FAM20A: variants seen among roughly 807,000 people sequenced by gnomAD.
FAM20A encodes the protein FAM20A golgi associated secretory pathway pseudokinase.
Under a neutral mutation model 52.0 loss-of-function variants are expected in FAM20A, and 42 were observed. The observed-to-expected ratio is 0.81, with a 90% CI of 0.63 to 1.04. The LOEUF (loss-of-function observed/expected upper bound fraction) is 1.04. Among genes scored for constraint, FAM20A ranks in the 50% least tolerant of loss-of-function variants. The pLI, the probability that FAM20A is intolerant of heterozygous loss-of-function variation, is 0.00. For missense variants in FAM20A, 742 were observed against 712.7 expected, an observed-to-expected ratio of 1.04 and a Z score of -0.47; for synonymous variants, 304 against 298.9, an observed-to-expected ratio of 1.02 and a Z score of -0.18.
rs903774362 is a variant in FAM20A at position 68,549,671 on chromosome 17, T to C, written c.719+2202A>G. ...ATTCCTTAGGTTGCCTCTCTCTAACTGGGGCTGTCTTTTGAGTATATATTA... is the reference window on the plus strand; with the variant it reads ...ATTCCTTAGGTTGCCTCTCTCTAACCGGGGCTGTCTTTTGAGTATATATTA... On this transcript the variant is annotated intron_variant, in intron 4 of 10. Transcript: ENST00000592554. Among the ~76,000 whole-genome samples the C allele has an allele frequency of 1.1e-4, 16 of 152,186 alleles. No homozygotes were observed. In the East Asian group the frequency reaches 3.1e-3, roughly 29 times the overall value.
At chr17:68,573,280 G>A (rs1426906017) in intron 1 of FAM20A, among the ~76,000 whole-genome samples, 1 of 152,174 alleles carries the variant, frequency 6.6e-6, no homozygotes, top group African/African-American at 2.4e-5. Context: ...GAAAAGTCAG[G>A]ATAATAAATG....
At chr17:68,588,509 A>T (rs908470097) in intron 1 of FAM20A, among the ~76,000 whole-genome samples, 1 of 152,184 alleles carries the variant, frequency 6.6e-6, no homozygotes, top group African/African-American at 2.4e-5. Context: ...AAACAACAGA[A>T]ATGTATTTTC....
At chr17:68,544,978 G>A (rs899748258) in intron 4 of FAM20A, among the ~76,000 whole-genome samples, 5 of 152,096 alleles carry the variant, frequency 3.3e-5, no homozygotes, top group African/African-American at 4.8e-5. Context: ...ACGTCTCATT[G>A]CACATTATAT....
In FAM20A at chr17:68,581,461, C is replaced by CCTTT. The variant is rs68182732; in HGVS notation, c.404+18798_404+18801dup. On this transcript the variant is annotated intron_variant, in intron 1 of 10. Coordinates refer to ENST00000592554, the MANE Select transcript of FAM20A (RefSeq NM_017565.4). Reference sequence around the variant, plus strand: ...TTTTCTTTTTTTCTTTTCTTTCTTTCCTTTCTTTCTTTCTTTCTTTCTTTC... The same window carrying CCTTT: ...TTTTCTTTTTTTCTTTTCTTTCTTTCCTTTCTTTCTTTCTTTCTTTCTTTCTTTC... Among the ~76,000 whole-genome samples the CCTTT allele has an allele frequency of 1.8e-3, 216 of 119,194 alleles. 2 individuals are homozygous for CCTTT. The highest frequency in any genetic ancestry group is 5.3e-3 in the South Asian group (19 of 3,568). The allele number at this position is 119,194 out of a possible 152,430, so 78.2% of individuals were successfully genotyped here. A position where few individuals can be genotyped will look rare whatever the true frequency, so the allele number is the denominator to read the frequency against.
chr17:68,595,750 C>A (rs772843180), intron 1 of FAM20A, among the ~76,000 whole-genome samples: 10 of 152,152 alleles, frequency 6.6e-5, no homozygotes, highest in Non-Finnish European at 1.3e-4. Flanking sequence ...ATCCAGCCTG[C>A]GGGTTGAATT....
intron 1 of FAM20A, among the ~76,000 whole-genome samples, chr17:68,576,025 AC>A (rs1345001077): frequency 6.6e-6 from 1 of 152,012 alleles, no homozygotes; most frequent in Non-Finnish European, 1.5e-5. Flanking sequence ...GAATTCTGAA[AC>A]TTGGCTGCAT....
Position 68,560,656 on chromosome 17 carries a change from C to T in FAM20A, c.405-4913G>A, listed in dbSNP as rs145520804. Reference sequence around the variant, plus strand: ...TGGGACATTCTACCTATAAATATGACGTTCTGCATGTGTGAGAGTGTATCG... The same window carrying T: ...TGGGACATTCTACCTATAAATATGATGTTCTGCATGTGTGAGAGTGTATCG... On this transcript the variant is annotated intron_variant, in intron 1 of 10. Coordinates refer to ENST00000592554, the MANE Select transcript of FAM20A (RefSeq NM_017565.4). Among the ~76,000 whole-genome samples, 29 of 152,230 alleles carry T rather than the reference C, an allele frequency of 1.9e-4. No homozygotes were observed. The East Asian group carries it at 5.0e-3, about 26-fold the overall frequency.
chr17:68,576,441 C>T (rs1369921581), intron 1 of FAM20A, among the ~76,000 whole-genome samples: 2 of 152,214 alleles, frequency 1.3e-5, no homozygotes, highest in African/African-American at 4.8e-5. Flanking sequence ...AGGCCAAGCT[C>T]TTCATCATGA....
At position 68,541,971 on chromosome 17, in the gene FAM20A, G is replaced by A. The variant is rs532347766; in HGVS notation, c.1109+14C>T. ...TGTCAAGGACTGGGCTGTGTGGCCT[G>A]GGGACCAACTCACTCCTCTTTTCCT... On this transcript the variant is annotated intron_variant, in intron 7 of 10. Coordinates refer to ENST00000592554, the MANE Select transcript of FAM20A (RefSeq NM_017565.4). 2.5e-6 allele frequency: 4 copies of A among 1,610,680 alleles called. No individual in the cohort carries two copies. The South Asian group carries it at 4.4e-5, about 18-fold the overall frequency.
At chr17:68,545,572 G>A (rs2086513747) in intron 4 of FAM20A, among the ~76,000 whole-genome samples, 1 of 152,212 alleles carries the variant, frequency 6.6e-6, no homozygotes, top group South Asian at 2.1e-4. Flanking sequence ...TGACTGACTG[G>A]GGTGGTGGTT....
chr17:68,600,824 G>GCGACACCCCTCCACA lies in FAM20A; in HGVS notation c.-159_-158insTGTGGAGGGGTGTCG. On this transcript the variant is annotated 5_prime_UTR_variant, in exon 1 of 11. Transcript: ENST00000592554. This position sits in a 1 kb window ranked among gnomAD's most constrained non-coding sequence, Gnocchi z 6.2. The stretch of plus-strand genomic sequence containing the variant: ...CCCGCGCGGGCTAGTCCCCTGTGGA[G>GCGACACCCCTCCACA]GGGTGTCGCTCCTCAACTTGGGGAC... 1 of 730,576 alleles carries GCGACACCCCTCCACA rather than the reference G, an allele frequency of 1.4e-6. No individual in the cohort carries two copies. The highest frequency in any genetic ancestry group is 2.1e-6 in the Non-Finnish European group (1 of 470,618). The allele number at this position is 730,576 out of a possible 1,614,324, so 45.3% of individuals were successfully genotyped here.
At chr17:68,581,378 C>CTTTCTTTCTTTCTTTCTTTCTTTG in intron 1 of FAM20A, among the ~76,000 whole-genome samples, 1 of 143,326 alleles carries the variant, frequency 7.0e-6, no homozygotes, top group East Asian at 2.0e-4. Flanking sequence ...TTCTTTCTTT[C>CTTTCTTTCTTTCTTTCTTTCTTTG]TTTCTTTCTT....
At chr17:68,556,935 T>C (rs918176979) in intron 1 of FAM20A, among the ~76,000 whole-genome samples, 1 of 151,918 alleles carries the variant, frequency 6.6e-6, no homozygotes, top group Admixed American at 6.6e-5. Flanking sequence ...TTCTCATTGG[T>C]GGAGAGTTTT....
In FAM20A at chr17:68,542,044, G is replaced by A; in HGVS notation, c.1050C>T (p.Ala350=). ...LSAFLPSLNL[A]PRLSVPNPWI... ...AGGGGTTGGGCACAGACAGCCTGGGGGCCAGGTTGAGGGACGGCAGGAAGG... is the reference window on the plus strand; with the variant it reads ...AGGGGTTGGGCACAGACAGCCTGGGAGCCAGGTTGAGGGACGGCAGGAAGG... The change falls in exon 7 of 11, where the codon GCC becomes GCT. Residue 350 remains alanine (A), a synonymous_variant. Transcript: ENST00000592554. 2 of 1,614,152 alleles carry A rather than the reference G, an allele frequency of 1.2e-6. No homozygotes were observed. Among genetic ancestry groups the A allele is most frequent in the Non-Finnish European group, 1.7e-6 (2 of 1,180,024 alleles).
rs2088572915 is a variant in FAM20A at position 68,600,170 on chromosome 17, C to T, written c.404+93G>A. On this transcript the variant is annotated intron_variant, in intron 1 of 10. Transcript: ENST00000592554. The surrounding 1 kb of genome is among the most constrained non-coding windows in gnomAD (Gnocchi z 6.2). ...GAGCCGTGGGTGGAGCCGCTGCAGC[C>T]CTGGGCCGGGGGCGTCAGGAAACTC... 2 of 1,439,386 alleles carry T rather than the reference C, an allele frequency of 1.4e-6. No individual in the cohort carries two copies. The highest frequency in any genetic ancestry group is 1.9e-6 in the Non-Finnish European group (2 of 1,073,660). 89.2% of individuals were successfully genotyped at this position (1,439,386 alleles called of 1,614,324 possible).
At chr17:68,547,151 C>T (rs2086609882) in intron 4 of FAM20A, among the ~76,000 whole-genome samples, 1 of 152,152 alleles carries the variant, frequency 6.6e-6, no homozygotes, top group South Asian at 2.1e-4. Flanking sequence ...AATTTAGCAT[C>T]ACTCTTGAGG....
In FAM20A at chr17:68,555,610, C is replaced by G. The variant is rs1227765836; in HGVS notation, c.538G>C (p.Val180Leu). The change falls in exon 2 of 11, where the codon GTT (valine) becomes CTT (leucine). Residue 180 changes from valine (V) to leucine (L), a missense_variant. Val to Leu is a conservative substitution (Grantham distance 32). Transcript: ENST00000592554. The part of the protein sequence containing the change: ...RHGLYSRSSP[V>L]VSKLLQDMRH... The stretch of plus-strand genomic sequence containing the variant: ...ATGTCTTGCAGAAGTTTGCTGACAA[C>G]AGGGCTGGACCGGGAGTAGAGCCCA... The G allele has an allele frequency of 1.2e-6, 2 of 1,613,408 alleles. No individual in the cohort carries two copies. Among genetic ancestry groups the G allele is most frequent in the Non-Finnish European group, 1.7e-6 (2 of 1,180,040 alleles).
chr17:68,600,565 C>A lies in FAM20A; in HGVS notation c.102G>T (p.Gln34His). 6.4e-7 allele frequency: 1 copy of A among 1,557,666 alleles called. No individual in the cohort carries two copies. Among genetic ancestry groups the A allele is most frequent in the African/African-American group, 1.4e-5 (1 of 73,740 alleles). Residue 34 changes from glutamine to histidine, a missense_variant, in exon 1 of 11, where the codon CAG (glutamine) becomes CAT (histidine). By Grantham distance (24) the Gln-to-His change is conservative. Transcript: ENST00000592554. The surrounding 1 kb of genome is among the most constrained non-coding windows in gnomAD (Gnocchi z 6.2). ...CCCGCGGGCGCTCCCGAGGCCGCAG[C>A]TGGCGCTGTACTTGGGGCCAGAGGT... ...YFHLWPQVQR[Q>H]LRPRERPRGC...
chr17:68,572,953 C>G (rs2087606962), intron 1 of FAM20A, among the ~76,000 whole-genome samples: 1 of 152,164 alleles, frequency 6.6e-6, no homozygotes, highest in Non-Finnish European at 1.5e-5. Context: ...TGCTAGACCC[C>G]AAAGTGAGCT....
Sources: allele counts gnomAD v4.1 joint callset (sites outside exome capture counted in the v4.1 genomes callset), GRCh38; gene constraint gnomAD v4.1.1; non-coding constraint Gnocchi (gnomAD v3.1); transcripts MANE v1.5; gene names NCBI Gene and HGNC (gene_info 2026-07-23, HGNC 2026-07-21).